NNMT: variants seen among roughly 807,000 people sequenced by gnomAD.
NNMT encodes the protein nicotinamide N-methyltransferase.
In NNMT, 10 loss-of-function variants were observed where a neutral mutation model predicts 11.7. That is an observed-to-expected ratio of 0.85 (90% CI 0.53 to 1.45). The LOEUF (loss-of-function observed/expected upper bound fraction) is 1.45. Among genes scored for constraint, NNMT ranks in the 40% most tolerant of loss-of-function variants. The pLI is 0.00. For synonymous variants in NNMT, 143 were observed against 133.8 expected (o/e 1.07, Z -0.48); for missense variants, 381 against 319.4 (o/e 1.19, Z -1.47).
At chr11:114,307,155 G>T (rs1945499933) in intron 2 of NNMT, among the ~76,000 whole-genome samples, 1 of 152,152 alleles carries the variant, frequency 6.6e-6, no homozygotes, top group Non-Finnish European at 1.5e-5. Flanking sequence ...CACAGGGCAG[G>T]TTAAGAAACC....
At chr11:114,278,166 C>T (rs904867941) in intron 2 of NNMT, among the ~76,000 whole-genome samples, 1 of 152,124 alleles carries the variant, frequency 6.6e-6, no homozygotes, top group Non-Finnish European at 1.5e-5. Context: ...TCTGTTGAGG[C>T]CTCAGGAAGC....
At position 114,297,962 on chromosome 11, in the gene NNMT, G is replaced by A. The variant is rs749659903; in HGVS notation, c.166G>A (p.Gly56Arg). The change falls in exon 2 of 3, where the codon GGA (glycine) becomes AGA (arginine). Residue 56 changes from glycine (G) to arginine (R), a missense_variant. Transcript: ENST00000299964. ...FKIFCLDGVK[G>R]DLLIDIGSGP... ...TCCCACTAATCCAGACGGTGTGAAGGGAGACCTGCTGATTGACATCGGCTC... is the reference window on the plus strand; with the variant it reads ...TCCCACTAATCCAGACGGTGTGAAGAGAGACCTGCTGATTGACATCGGCTC... 8.7e-6 allele frequency: 14 copies of A among 1,612,734 alleles called. No individual in the cohort carries two copies. The East Asian group carries it at 2.9e-4, about 33-fold the overall frequency.
intron 2 of NNMT, among the ~76,000 whole-genome samples, chr11:114,305,668 G>A (rs1346713618): frequency 6.6e-6 from 1 of 152,040 alleles, no homozygotes; most frequent in Admixed American, 6.6e-5. Flanking sequence ...TCCCTACAAA[G>A]GACATGAACT....
At position 114,268,196 on chromosome 11, in the gene NNMT, GGAGCTACAAGATCAACAGT is replaced by G. The variant is rs374890696; in HGVS notation, c.-130+5265_-130+5283del. ...ATCGCTGACCTTTCTGAGACACCTG[GGAGCTACAAGATCAACAGT>G]GACCTTGTTTCCTCTTACAGGGTCC... On this transcript the variant is annotated intron_variant, in intron 2 of 4. Coordinates refer to the NNMT transcript ENST00000535401. Among the ~76,000 whole-genome samples, 132 of 152,200 alleles carry G rather than the reference GGAGCTACAAGATCAACAGT, an allele frequency of 8.7e-4. 2 individuals carry two copies. Among genetic ancestry groups the G allele is most frequent in the African/African-American group, 3.0e-3 (124 of 41,544 alleles).
chr11:114,285,329 G>A (rs556195684), intron 2 of NNMT, among the ~76,000 whole-genome samples: 1 of 152,330 alleles, frequency 6.6e-6, no homozygotes, highest in African/African-American at 2.4e-5. Context: ...GAACCAGGCA[G>A]AAGGCAGCCC....
upstream of NNMT, chr11:114,296,295 C>T (rs956390138): frequency 7.4e-5 from 29 of 389,790 alleles, no homozygotes; most frequent in African/African-American, 5.6e-4. Flanking sequence ...AGCTCATGGC[C>T]CTCCCTCTAC....
intron 2 of NNMT, among the ~76,000 whole-genome samples, chr11:114,279,156 T>A (rs1407455118): frequency 3.3e-5 from 5 of 152,098 alleles, no homozygotes; most frequent in Non-Finnish European, 7.4e-5. Context: ...TGTGAGTAGG[T>A]ATTGCTATTG....
intron 2 of NNMT, among the ~76,000 whole-genome samples, chr11:114,264,962 G>A (rs903325216): frequency 6.6e-6 from 1 of 152,134 alleles, no homozygotes. Flanking sequence ...TGTCCTTTTG[G>A]GTTTTTATGG....
chr11:114,258,641 C>T (rs1945049886), intron 1 of NNMT, among the ~76,000 whole-genome samples: 1 of 152,226 alleles, frequency 6.6e-6, no homozygotes, highest in Non-Finnish European at 1.5e-5. Flanking sequence ...TCCAAAAATG[C>T]AAATAGCATC....
At chr11:114,290,610 C>T (rs997061804) in intron 2 of NNMT, among the ~76,000 whole-genome samples, 11 of 152,134 alleles carry the variant, frequency 7.2e-5, no homozygotes, top group African/African-American at 2.4e-4. Context: ...CCACACAAGG[C>T]ATTATTTTTT....
rs551455312 is a variant in NNMT, at chr11:114,312,776, G to A, written c.*299G>A. The A allele has an allele frequency of 5.9e-4, 205 of 350,300 alleles. No homozygotes were observed. The highest frequency in any genetic ancestry group is 3.2e-3 in the African/African-American group (160 of 49,448). The allele number at this position is 350,300 out of a possible 1,614,324, so 21.7% of individuals were successfully genotyped here. On this transcript the variant is annotated 3_prime_UTR_variant, in exon 3 of 3. Transcript: ENST00000299964. ...CATCTAGTTATGGCGGCTCAAGCCC[G>A]TACCTGCCTACAGAGAAGTGTCTGC...
At chr11:114,270,344 C>T (rs918846814) in intron 2 of NNMT, 3 of 152,172 alleles carry the variant, frequency 2.0e-5, no homozygotes, top group African/African-American at 4.8e-5. Context: ...GAAACCTGTG[C>T]CCTTTCCCTG....
intron 2 of NNMT, among the ~76,000 whole-genome samples, chr11:114,270,752 A>T (rs895886738): frequency 6.6e-6 from 1 of 150,516 alleles, no homozygotes; most frequent in African/African-American, 2.4e-5. Context: ...GCCCTATTCT[A>T]TGACTTCATA....
intron 2 of NNMT, among the ~76,000 whole-genome samples, chr11:114,279,232 AAT>A (rs1307600995): frequency 6.6e-6 from 1 of 152,136 alleles, no homozygotes; most frequent in African/African-American, 2.4e-5. Context: ...AAGAGCTTAC[AAT>A]TCACTGAATT....
intron 1 of NNMT, among the ~76,000 whole-genome samples, chr11:114,260,811 G>T (rs544610437): frequency 6.6e-6 from 1 of 152,208 alleles, no homozygotes; most frequent in Admixed American, 6.5e-5. Context: ...GTGCACCCTA[G>T]AGGAAGAGGG....
intron 2 of NNMT, among the ~76,000 whole-genome samples, chr11:114,267,595 C>T (rs1272041332): frequency 6.6e-6 from 1 of 152,112 alleles, no homozygotes; most frequent in Non-Finnish European, 1.5e-5. Context: ...ATAATATGAT[C>T]AACCCCACAT....
chr11:114,287,181 C>G (rs1945306043), intron 2 of NNMT, among the ~76,000 whole-genome samples: 1 of 152,130 alleles, frequency 6.6e-6, no homozygotes, highest in South Asian at 2.1e-4. Context: ...TATCTTTTCC[C>G]TCTCTGTAGA....
rs116543560 is a variant in NNMT, at chr11:114,275,514, G to A, written c.-130+12580G>A. Among the ~76,000 whole-genome samples the A allele has an allele frequency of 2.3e-3, 345 of 152,276 alleles. 3 individuals carry two copies. The highest frequency in any genetic ancestry group is 7.8e-3 in the African/African-American group (325 of 41,556). ...AAAGAGCACTGACTGCAGGGTTGGC[G>A]GTCCCTAGGCTTGCCCGTGCCAATA... is the stretch of plus-strand genomic sequence containing the variant. On this transcript the variant is annotated intron_variant, in intron 2 of 4. Transcript: ENST00000535401.
chr11:114,261,166 C>G (rs1945077478), intron 1 of NNMT, among the ~76,000 whole-genome samples: 2 of 152,212 alleles, frequency 1.3e-5, no homozygotes, highest in South Asian at 4.1e-4. Flanking sequence ...GCCTGGGATT[C>G]TGGAGTAGTG....
Sources: allele counts gnomAD v4.1 joint callset (sites outside exome capture counted in the v4.1 genomes callset), GRCh38; gene constraint gnomAD v4.1.1; transcripts MANE v1.5; gene names NCBI Gene and HGNC (gene_info 2026-07-23, HGNC 2026-07-21).